Variants in SLC4A5 observed in about 807,000 individuals in gnomAD.
The protein encoded by SLC4A5 is solute carrier family 4 member 5.
SLC4A5 carries 96 observed loss-of-function variants against 120.4 expected under a neutral mutation model. The observed-to-expected ratio is 0.80, with a 90% CI of 0.68 to 0.94. The LOEUF is 0.94. Among genes scored for constraint, SLC4A5 ranks in the 40% least tolerant of loss-of-function variants. SLC4A5 has a pLI of 0.00. For synonymous variants in SLC4A5, 550 were observed against 571.1 expected (o/e 0.96, Z 0.53); for missense variants, 1,259 against 1,459.5 (o/e 0.86, Z 2.24).
chr2:74,255,867 C>T lies in SLC4A5; in HGVS notation c.933G>A (p.Glu311=). The T allele has an allele frequency of 6.2e-7, 1 of 1,614,186 alleles. No individual in the cohort carries two copies. The highest frequency in any genetic ancestry group is 8.5e-7 in the Non-Finnish European group (1 of 1,180,044). ...TGAATGGCTGGTCTAGGAAGTCCAC[C>T]TCGCCCACGAGCACGTTGGACGCTT... is the stretch of plus-strand genomic sequence containing the variant. The change falls in exon 13 of 31, where the codon GAG becomes GAA. Residue 311 remains glutamate, a synonymous_variant. Coordinates refer to ENST00000394019, the Ensembl canonical transcript of SLC4A5. The surrounding 1 kb of genome is among the most constrained non-coding windows in gnomAD (Gnocchi z 4.0).
intron 8 of SLC4A5, among the ~76,000 whole-genome samples, chr2:74,279,937 C>T (rs1325958170): frequency 6.6e-6 from 1 of 152,150 alleles, no homozygotes; most frequent in Non-Finnish European, 1.5e-5. Flanking sequence ...CTGCCAGCAT[C>T]TCTCCCTTGG....
intron 7 of SLC4A5, among the ~76,000 whole-genome samples, chr2:74,296,702 T>C (rs1172168081): frequency 6.7e-6 from 1 of 150,206 alleles, no homozygotes; most frequent in Non-Finnish European, 1.5e-5. Context: ...GGCAGGAGAA[T>C]TGCTTGAACC....
intron 7 of SLC4A5, among the ~76,000 whole-genome samples, chr2:74,303,046 G>C (rs1558903972): frequency 6.8e-6 from 1 of 147,096 alleles, no homozygotes; most frequent in African/African-American, 2.6e-5. Context: ...GTGTGTGTGT[G>C]CATGTGGAAG....
chr2:74,256,281 G>A (rs758259994), intron 12 of SLC4A5, among the ~76,000 whole-genome samples: 4 of 152,186 alleles, frequency 2.6e-5, no homozygotes, highest in Admixed American at 1.3e-4. Context: ...TTCAGGCTGA[G>A]CAGATGGGAG....
At chr2:74,308,013 T>A in intron 6 of SLC4A5, 1 of 541,714 alleles carries the variant, frequency 1.8e-6, no homozygotes, top group South Asian at 1.4e-5. Context: ...GCTCATGCTG[T>A]CCGGGGAGGA....
intron 8 of SLC4A5, among the ~76,000 whole-genome samples, chr2:74,275,300 T>C (rs1431836542): frequency 1.3e-5 from 2 of 152,168 alleles, no homozygotes; most frequent in African/African-American, 4.8e-5. Flanking sequence ...TCATTCAGGG[T>C]TGAAGGAGAG....
At chr2:74,327,603 AC>A (rs1415723135) in intron 5 of SLC4A5, among the ~76,000 whole-genome samples, 2 of 152,336 alleles carry the variant, frequency 1.3e-5, no homozygotes, top group East Asian at 3.9e-4. Flanking sequence ...AAACCTAAAA[AC>A]AAAAATGTGT....
At chr2:74,307,319 C>T in intron 6 of SLC4A5, 1 of 557,018 alleles carries the variant, frequency 1.8e-6, no homozygotes, top group Admixed American at 2.2e-5. Context: ...CCTCCATGGT[C>T]AACCCAGAGC....
At chr2:74,227,977 G>A in intron 25 of SLC4A5, 99 bp from the exon 26 acceptor site, 1 of 818,410 alleles carries the variant, frequency 1.2e-6, no homozygotes, top group Non-Finnish European at 1.9e-6. Context: ...AGGCAGCTAG[G>A]AAACTGGATA....
rs573040657 is a variant in SLC4A5, at chr2:74,262,352, G to A, written c.716-120C>T. The A allele has an allele frequency of 1.1e-5, 6 of 564,148 alleles. 1 individual carries two copies. Among genetic ancestry groups the A allele is most frequent in the Admixed American group, 3.3e-5 (1 of 30,724 alleles). The allele number at this position is 564,148 out of a possible 1,614,324, so 34.9% of individuals were successfully genotyped here. A position where few individuals can be genotyped will look rare whatever the true frequency, so the allele number is the denominator to read the frequency against. On this transcript the variant is annotated intron_variant, in intron 10 of 30. Transcript: ENST00000394019. ...GGCAAGACATGTCTCTTCCCCTTCT[G>A]GGAAGAAATTCTTTTTTTTTTTTTT...
intron 6 of SLC4A5, among the ~76,000 whole-genome samples, chr2:74,310,118 G>C (rs1049051705): frequency 6.6e-6 from 1 of 152,084 alleles, no homozygotes; most frequent in Admixed American, 6.6e-5. Context: ...CTGGTATATA[G>C]AAAAGCAACT....
At chr2:74,252,921 C>G in intron 15 of SLC4A5, 53 bp downstream of exon 15, 1 of 1,590,006 alleles carries the variant, frequency 6.3e-7, no homozygotes. Flanking sequence ...AAAATGATAC[C>G]GACAGAGTTG....
intron 27 of SLC4A5, among the ~76,000 whole-genome samples, chr2:74,226,677 T>C (rs536202368): frequency 6.6e-6 from 1 of 152,280 alleles, no homozygotes; most frequent in Admixed American, 6.5e-5. Context: ...CTGATTTTCT[T>C]TCTCCGTCCC....
chr2:74,266,656 A>G (rs1471017922), intron 8 of SLC4A5, among the ~76,000 whole-genome samples: 1 of 152,196 alleles, frequency 6.6e-6, no homozygotes, highest in Non-Finnish European at 1.5e-5. Flanking sequence ...ACCAAACACA[A>G]TACTAAATTC....
chr2:74,296,645 T>C (rs985736294), intron 7 of SLC4A5, among the ~76,000 whole-genome samples: 13 of 146,086 alleles, frequency 8.9e-5, no homozygotes, highest in Non-Finnish European at 1.6e-4. Context: ...AAAAATTAGC[T>C]AGGTGTGGTG....
At chr2:74,235,265 G>T (rs1328828042) in intron 21 of SLC4A5, 51 bp from the exon 22 acceptor site, 3 of 1,411,420 alleles carry the variant, frequency 2.1e-6, no homozygotes, top group Admixed American at 1.8e-5. Flanking sequence ...CACCCACCCA[G>T]CTCCAGGCAG....
At chr2:74,269,584 ACCT>A (rs1457190374) in intron 8 of SLC4A5, among the ~76,000 whole-genome samples, 1 of 150,966 alleles carries the variant, frequency 6.6e-6, no homozygotes, top group Non-Finnish European at 1.5e-5. Context: ...CTGAGGATCG[ACCT>A]CCTATTCAGC....
intron 7 of SLC4A5, among the ~76,000 whole-genome samples, chr2:74,301,778 A>G (rs1170188584): frequency 6.6e-6 from 1 of 152,238 alleles, no homozygotes; most frequent in Non-Finnish European, 1.5e-5. Flanking sequence ...CACTCCGTGA[A>G]GAACAGCAGA....
chr2:74,230,091 C>T (rs1174194675), intron 25 of SLC4A5, among the ~76,000 whole-genome samples: 3 of 152,084 alleles, frequency 2.0e-5, no homozygotes, highest in Non-Finnish European at 4.4e-5. Flanking sequence ...CCTCCCACCT[C>T]GGCCTCCCAA....
Sources: gnomAD v4.1 joint callset for allele counts (sites outside exome capture counted in the v4.1 genomes callset) on GRCh38, gnomAD v4.1.1 for gene constraint, Gnocchi (gnomAD v3.1) non-coding constraint, MANE v1.5 for transcripts, NCBI Gene and HGNC (gene_info 2026-07-23, HGNC 2026-07-21) for gene names.